PDE11A: variants seen among roughly 807,000 people sequenced by gnomAD.
PDE11A encodes dual 3',5'-cyclic-AMP and -GMP phosphodiesterase 11A.
Under a neutral mutation model 100.5 loss-of-function variants are expected in PDE11A, and 100 were observed. That is an observed-to-expected ratio of 1.00 (90% CI 0.85 to 1.18). PDE11A has a LOEUF of 1.18. Ranked by LOEUF, PDE11A falls within the 50% of genes most tolerant of loss-of-function variation. The probability of loss-of-function intolerance (pLI) is 0.00; values close to 1 mark genes in which losing one functional copy is unlikely to be tolerated. For synonymous variants in PDE11A, 381 were observed against 420.8 expected (o/e 0.91, Z 1.16); for missense variants, 1,141 against 1,152.6 (o/e 0.99, Z 0.15).
chr2:177,921,809 T>A (rs1270018128), intron 2 of PDE11A: 1 of 152,170 alleles, frequency 6.6e-6, no homozygotes, highest in African/African-American at 2.4e-5. Flanking sequence ...TCCTACAGCA[T>A]AAAGCTAGCA....
intron 1 of PDE11A, among the ~76,000 whole-genome samples, chr2:178,059,759 T>C (rs1173205558): frequency 1.3e-5 from 2 of 152,158 alleles, no homozygotes; most frequent in African/African-American, 4.8e-5. Flanking sequence ...AAAGCCTAAC[T>C]GGCTTTCCCT....
chr2:177,914,388 T>C lies in PDE11A; in HGVS notation c.1072-9201A>G, dbSNP rs568545008. ...TAAGATGAATAATATTATGGCTCCATAAACTTGGCCTACTCTCTCTCACAG... is the reference window on the plus strand; with the variant it reads ...TAAGATGAATAATATTATGGCTCCACAAACTTGGCCTACTCTCTCTCACAG... On this transcript the variant is annotated intron_variant, in intron 2 of 19. Coordinates refer to ENST00000286063, the MANE Select transcript of PDE11A (RefSeq NM_016953.4). 4.6e-5 allele frequency among the ~76,000 whole-genome samples: 7 copies of C among 152,302 alleles called. No individual in the cohort carries two copies. In the East Asian group the frequency reaches 1.3e-3, roughly 29 times the overall value.
At chr2:178,043,394 T>A (rs2086706902) in intron 1 of PDE11A, among the ~76,000 whole-genome samples, 1 of 152,190 alleles carries the variant, frequency 6.6e-6, no homozygotes, top group African/African-American at 2.4e-5. Flanking sequence ...TCTTCAGACA[T>A]CAAAACTTGC....
intron 2 of PDE11A, among the ~76,000 whole-genome samples, chr2:177,929,849 G>C (rs1349459718): frequency 6.6e-6 from 1 of 152,138 alleles, no homozygotes; most frequent in African/African-American, 2.4e-5. Flanking sequence ...ACAGCAATAG[G>C]ATCTGTAAAT....
chr2:177,972,797 G>A (rs537678326), intron 2 of PDE11A, among the ~76,000 whole-genome samples: 4 of 152,274 alleles, frequency 2.6e-5, no homozygotes, highest in South Asian at 2.1e-4. Flanking sequence ...CCTACCAGAC[G>A]CCCTTCTCTG....
chr2:177,947,541 G>A (rs2085458399), intron 2 of PDE11A, among the ~76,000 whole-genome samples: 1 of 151,758 alleles, frequency 6.6e-6, no homozygotes, highest in Non-Finnish European at 1.5e-5. Flanking sequence ...TGCAAGATGT[G>A]CTTTGTTAAA....
intron 5 of PDE11A, among the ~76,000 whole-genome samples, chr2:177,859,041 A>G (rs2083895331): frequency 6.6e-6 from 1 of 152,140 alleles, no homozygotes; most frequent in Admixed American, 6.6e-5. Flanking sequence ...GTGGGAATTG[A>G]ACAATGAGAA....
At chr2:177,852,153 C>T (rs2083724066) in intron 5 of PDE11A, among the ~76,000 whole-genome samples, 1 of 152,114 alleles carries the variant, frequency 6.6e-6, no homozygotes, top group Non-Finnish European at 1.5e-5. Flanking sequence ...ACCCTTGATG[C>T]ACTAGTGGTC....
chr2:178,098,496 T>C (rs1287965716), intron 2 of PDE11A, among the ~76,000 whole-genome samples: 1 of 152,048 alleles, frequency 6.6e-6, no homozygotes, highest in Non-Finnish European at 1.5e-5. Context: ...AAATGGGAGA[T>C]TGTATAAATA....
intron 5 of PDE11A, among the ~76,000 whole-genome samples, chr2:177,872,431 T>C (rs770107807): frequency 1.3e-5 from 2 of 152,156 alleles, no homozygotes; most frequent in African/African-American, 2.4e-5. Context: ...AATTGATTGG[T>C]ACTCATTGCA....
At chr2:177,676,297 C>T (rs1163755300) in intron 16 of PDE11A, among the ~76,000 whole-genome samples, 1 of 152,224 alleles carries the variant, frequency 6.6e-6, no homozygotes, top group African/African-American at 2.4e-5. Flanking sequence ...ATAAGGCACA[C>T]TCTGTCCCAA....
At chr2:177,809,241 A>G (rs1390351100) in intron 9 of PDE11A, among the ~76,000 whole-genome samples, 2 of 152,180 alleles carry the variant, frequency 1.3e-5, no homozygotes, top group Non-Finnish European at 2.9e-5. Context: ...TTTACACTTA[A>G]AAACAGTTAA....
chr2:177,760,921 C>G (rs1220919431), intron 10 of PDE11A, among the ~76,000 whole-genome samples: 2 of 152,004 alleles, frequency 1.3e-5, no homozygotes, highest in African/African-American at 4.8e-5. Context: ...GGAAGAACAG[C>G]CAAACCAGAG....
intron 1 of PDE11A, among the ~76,000 whole-genome samples, chr2:178,105,345 A>G (rs1348534758): frequency 6.6e-6 from 1 of 152,162 alleles, no homozygotes; most frequent in Non-Finnish European, 1.5e-5. Context: ...CTGTAATCCC[A>G]GCTACTCGGG....
intron 2 of PDE11A, among the ~76,000 whole-genome samples, chr2:178,008,785 G>A (rs904999292): frequency 2.0e-5 from 3 of 152,130 alleles, no homozygotes; most frequent in Non-Finnish European, 4.4e-5. Context: ...CTGGAACACA[G>A]CCAGCCCCTC....
chr2:177,836,441 G>C (rs987124355), intron 6 of PDE11A, among the ~76,000 whole-genome samples: 5 of 152,194 alleles, frequency 3.3e-5, no homozygotes, highest in South Asian at 2.1e-4. Context: ...GAGAACTTTT[G>C]TGTCTATCTT....
At chr2:177,866,904 G>C (rs1383704772) in intron 5 of PDE11A, among the ~76,000 whole-genome samples, 2 of 152,260 alleles carry the variant, frequency 1.3e-5, no homozygotes, top group Admixed American at 6.5e-5. Flanking sequence ...AGGCCTGTAA[G>C]TCTAAAGCAG....
intron 2 of PDE11A, among the ~76,000 whole-genome samples, chr2:177,977,662 G>T (rs1424313788): frequency 8.5e-6 from 1 of 117,186 alleles, no homozygotes; most frequent in East Asian, 2.4e-4. Context: ...CAAAGCTGGA[G>T]GCATCACACT....
At chr2:177,977,290 CCAA>C (rs1176459652) in intron 2 of PDE11A, among the ~76,000 whole-genome samples, 1 of 143,620 alleles carries the variant, frequency 7.0e-6, no homozygotes, top group African/African-American at 2.6e-5. Flanking sequence ...TTCTTATACA[CCAA>C]CAACAGACAA....
Sources: allele counts gnomAD v4.1 joint callset (sites outside exome capture counted in the v4.1 genomes callset), GRCh38; gene constraint gnomAD v4.1.1; transcripts MANE v1.5; gene names NCBI Gene and HGNC (gene_info 2026-07-23, HGNC 2026-07-21).